Variants in GPC6 observed in about 807,000 individuals in gnomAD.
The protein encoded by GPC6 is glypican 6, also known as glypican-6.
A neutral mutation model predicts 55.2 loss-of-function variants in GPC6; 14 were observed. The observed-to-expected ratio is 0.25, with a 90% CI of 0.17 to 0.40. The LOEUF is 0.40. Among genes scored for constraint, GPC6 ranks in the 10% least tolerant of loss-of-function variants. GPC6 has a pLI of 1.00. For missense variants in GPC6, 641 were observed against 708.5 expected (o/e 0.90, Z 1.08); for synonymous variants, 278 against 259.6 (o/e 1.07, Z -0.68).
chr13:94,381,489 T>C (rs762106081), intron 6 of GPC6, among the ~76,000 whole-genome samples: 1 of 152,172 alleles, frequency 6.6e-6, no homozygotes, highest in Non-Finnish European at 1.5e-5. Flanking sequence ...TTCCCCTTTT[T>C]ATCAGCACAT....
At chr13:93,724,828 A>G (rs1425048005) in intron 2 of GPC6, among the ~76,000 whole-genome samples, 1 of 152,068 alleles carries the variant, frequency 6.6e-6, no homozygotes, top group Non-Finnish European at 1.5e-5. Context: ...TCTTGATTTC[A>G]TAGCAGTATG....
At chr13:94,393,133 C>T (rs557007036) in intron 7 of GPC6, among the ~76,000 whole-genome samples, 5 of 152,256 alleles carry the variant, frequency 3.3e-5, no homozygotes, top group Admixed American at 3.3e-4. Flanking sequence ...ATAGCATAGG[C>T]TTGTAGTCCC....
At chr13:93,693,909 C>A (rs939723217) in intron 2 of GPC6, among the ~76,000 whole-genome samples, 5 of 152,152 alleles carry the variant, frequency 3.3e-5, no homozygotes, top group African/African-American at 4.8e-5. Flanking sequence ...TTCATGCCCA[C>A]CTTCTATAGA....
intron 2 of GPC6, among the ~76,000 whole-genome samples, chr13:93,744,310 T>G (rs7139537): frequency 0.4 from 61,326 of 151,870 alleles, 13,046 homozygotes; most frequent in South Asian, 0.57. Context: ...CTTACATTGA[T>G]GAAGCTCGTC....
intron 2 of GPC6, among the ~76,000 whole-genome samples, chr13:93,704,963 T>C (rs138146479): frequency 2.0e-5 from 3 of 152,086 alleles, no homozygotes; most frequent in African/African-American, 7.2e-5. Flanking sequence ...ATGTCCATAT[T>C]CTTAATTCAG....
At chr13:93,509,394 T>A (rs774428471) in intron 1 of GPC6, among the ~76,000 whole-genome samples, 4 of 152,218 alleles carry the variant, frequency 2.6e-5, no homozygotes, top group Non-Finnish European at 5.9e-5. Context: ...TAACACGTCA[T>A]GGTTGACATG....
chr13:93,393,111 T>G (rs752646850), intron 1 of GPC6, among the ~76,000 whole-genome samples: 1 of 76,476 alleles, frequency 1.3e-5, no homozygotes. Context: ...ATATTTGATA[T>G]ATATATATAT....
At chr13:93,862,135 AAT>A (rs1888832532) in intron 3 of GPC6, among the ~76,000 whole-genome samples, 1 of 151,672 alleles carries the variant, frequency 6.6e-6, no homozygotes, top group African/African-American at 2.4e-5. Flanking sequence ...CAGTAAAAGC[AAT>A]GTGCTCTAGT....
chr13:94,264,228 G>A (rs985991939), intron 4 of GPC6, among the ~76,000 whole-genome samples: 1 of 152,164 alleles, frequency 6.6e-6, no homozygotes, highest in African/African-American at 2.4e-5. Context: ...TGCATTCTAT[G>A]TTTGGCTAAT....
At chr13:93,262,833 C>T (rs1036421221) in intron 1 of GPC6, among the ~76,000 whole-genome samples, 4 of 152,060 alleles carry the variant, frequency 2.6e-5, no homozygotes, top group African/African-American at 9.7e-5. Context: ...AGCTGATGTC[C>T]AGGCTCTTGA....
chr13:93,892,283 A>G (rs73553717), intron 3 of GPC6, among the ~76,000 whole-genome samples: 5 of 143,918 alleles, frequency 3.5e-5, no homozygotes, highest in East Asian at 2.2e-4. Flanking sequence ...AAGCATTCCA[A>G]AAATATTTAC....
intron 4 of GPC6, among the ~76,000 whole-genome samples, chr13:94,206,859 G>A (rs931964939): frequency 6.6e-6 from 1 of 151,992 alleles, no homozygotes; most frequent in East Asian, 1.9e-4. Context: ...TTTCAAAAAA[G>A]AAAATAAAAA....
chr13:93,808,660 C>T (rs1319454470), intron 2 of GPC6, among the ~76,000 whole-genome samples: 1 of 152,180 alleles, frequency 6.6e-6, no homozygotes, highest in African/African-American at 2.4e-5. Flanking sequence ...AAACACAGAA[C>T]TCCTATGGAA....
chr13:93,323,744 A>G (rs1414319125), intron 1 of GPC6, among the ~76,000 whole-genome samples: 1 of 152,236 alleles, frequency 6.6e-6, no homozygotes, highest in African/African-American at 2.4e-5. Context: ...TAAATTGTTA[A>G]TAGTAGCTGT....
intron 4 of GPC6, among the ~76,000 whole-genome samples, chr13:94,249,748 G>A (rs1891294633): frequency 1.3e-5 from 2 of 152,164 alleles, no homozygotes; most frequent in South Asian, 4.1e-4. Flanking sequence ...AACAGGAGTA[G>A]TGAAAGTGAC....
chr13:93,249,853 A>G (rs1213784405), intron 1 of GPC6, among the ~76,000 whole-genome samples: 5 of 152,324 alleles, frequency 3.3e-5, no homozygotes, highest in African/African-American at 9.6e-5. Context: ...TGTAAAAGGC[A>G]TATAGTTCCT....
Position 93,738,933 on chromosome 13 carries a change from T to G in GPC6, c.320-91221T>G, listed in dbSNP as rs1377160696. On this transcript the variant is annotated intron_variant, in intron 2 of 8. Coordinates refer to ENST00000377047, the MANE Select transcript of GPC6 (RefSeq NM_005708.5). ...TAGTTTAAATTCCAAGTGCACTTGGTTTTACACACACACACACACACACAC... is the reference window on the plus strand; with the variant it reads ...TAGTTTAAATTCCAAGTGCACTTGGGTTTACACACACACACACACACACAC... Among the ~76,000 whole-genome samples, 3 of 94,640 alleles carry G rather than the reference T, an allele frequency of 3.2e-5. No homozygotes were observed. In the Admixed American group the frequency reaches 3.7e-4, roughly 12 times the overall value. 62.1% of individuals were successfully genotyped at this position (94,640 alleles called of 152,430 possible). A position where few individuals can be genotyped will look rare whatever the true frequency, so the allele number is the denominator to read the frequency against.
chr13:93,359,552 T>C (rs1157476328), intron 1 of GPC6, among the ~76,000 whole-genome samples: 1 of 152,222 alleles, frequency 6.6e-6, no homozygotes, highest in Non-Finnish European at 1.5e-5. Context: ...AATAGTTGAA[T>C]GTGCAAACTG....
intron 1 of GPC6, among the ~76,000 whole-genome samples, chr13:93,328,516 A>G (rs954187707): frequency 2.4e-4 from 37 of 152,008 alleles, no homozygotes; most frequent in African/African-American, 8.7e-4. Context: ...TCTACAAAAT[A>G]TACAAAAAAT....
Sources: allele counts gnomAD v4.1 joint callset (sites outside exome capture counted in the v4.1 genomes callset), GRCh38; gene constraint gnomAD v4.1.1; transcripts MANE v1.5; gene names NCBI Gene and HGNC (gene_info 2026-07-23, HGNC 2026-07-21).